Variants in BCAS1 observed in about 807,000 individuals in gnomAD.
The protein encoded by BCAS1 is brain enriched myelin associated protein 1, also known as breast carcinoma-amplified sequence 1.
BCAS1 carries 46 observed loss-of-function variants against 65.4 expected under a neutral mutation model. The observed-to-expected ratio is 0.70, with a 90% CI of 0.55 to 0.90. The LOEUF is 0.90. Ranked by LOEUF, BCAS1 falls within the 40% of genes least tolerant of loss-of-function variation. The pLI, the probability that BCAS1 is intolerant of heterozygous loss-of-function variation, is 0.00. For missense variants in BCAS1, 793 were observed against 771.2 expected (o/e 1.03, Z -0.33); for synonymous variants, 298 against 293.5 (o/e 1.02, Z -0.16).
chr20:53,944,063 C>T lies in BCAS1; in HGVS notation c.*859G>A, dbSNP rs1379314153. ...TAAGCCCTCCCCAGTCAATCTTTTCCCTCTCATCAATAACTTACAAGGACC... is the reference window on the plus strand; with the variant it reads ...TAAGCCCTCCCCAGTCAATCTTTTCTCTCTCATCAATAACTTACAAGGACC... On this transcript the variant is annotated 3_prime_UTR_variant, in exon 13 of 13. Transcript: ENST00000688948. 1.3e-5 allele frequency: 2 copies of T among 151,832 alleles called. No homozygotes were observed. Among genetic ancestry groups the T allele is most frequent in the African/African-American group, 4.8e-5 (2 of 41,298 alleles). The allele number at this position is 151,832 out of a possible 1,614,324, so 9.4% of individuals were successfully genotyped here. A position where few individuals can be genotyped will look rare whatever the true frequency, so the allele number is the denominator to read the frequency against.
intron 11 of BCAS1, among the ~76,000 whole-genome samples, chr20:53,956,712 C>A (rs2089711277): frequency 6.6e-6 from 1 of 151,050 alleles, no homozygotes; most frequent in South Asian, 2.1e-4. Context: ...CAGTTTGAGT[C>A]TACCACTCAT....
chr20:54,008,526 C>T (rs551649788), intron 4 of BCAS1, among the ~76,000 whole-genome samples: 26 of 152,296 alleles, frequency 1.7e-4, no homozygotes, highest in Non-Finnish European at 2.8e-4. Flanking sequence ...ACCCCCGCCC[C>T]CCAACAATGG....
At chr20:53,954,329 GAGA>G (rs2089634268) in intron 11 of BCAS1, among the ~76,000 whole-genome samples, 2 of 148,958 alleles carry the variant, frequency 1.3e-5, no homozygotes, top group African/African-American at 4.9e-5. Flanking sequence ...GAGAGAGAGA[GAGA>G]GAGGGACCAG....
At chr20:54,012,736 C>T (rs911539981) in intron 4 of BCAS1, among the ~76,000 whole-genome samples, 20 of 152,146 alleles carry the variant, frequency 1.3e-4, no homozygotes, top group Non-Finnish European at 2.4e-4. Context: ...AAAAAGATCC[C>T]GTTTAATTCT....
chr20:53,973,766 G>A (rs996703178), intron 9 of BCAS1, among the ~76,000 whole-genome samples: 3 of 152,162 alleles, frequency 2.0e-5, no homozygotes, highest in Non-Finnish European at 4.4e-5. Flanking sequence ...AGAGACCTGA[G>A]CTTTGCTGGG....
intron 3 of BCAS1, among the ~76,000 whole-genome samples, chr20:54,054,759 C>T (rs1293823929): frequency 1.3e-5 from 2 of 152,148 alleles, no homozygotes; most frequent in Non-Finnish European, 2.9e-5. Flanking sequence ...GTTTCTTTTC[C>T]CTCGTCATGT....
At chr20:54,061,228 G>A (rs765555703) in intron 1 of BCAS1, among the ~76,000 whole-genome samples, 5 of 152,136 alleles carry the variant, frequency 3.3e-5, no homozygotes, top group Non-Finnish European at 7.4e-5. Context: ...ACACAGTCTG[G>A]CTGTGCTCCT....
At chr20:54,057,998 A>AT (rs796265852) in intron 3 of BCAS1, 87 bp downstream of exon 3, 158,006 of 804,548 alleles carry the variant, frequency 0.2, 2,564 homozygotes, top group Non-Finnish European at 0.21. Context: ...CGACCCTTTC[A>AT]TTTTTTTTTT....
Position 53,957,416 on chromosome 20 carries a change from G to C in BCAS1, c.1551+16C>G. ...ACCACTAATCCCACCACCAAACTGAGTTCGAGGTCACTTACTTGGCAGCTG... is the reference window on the plus strand; with the variant it reads ...ACCACTAATCCCACCACCAAACTGACTTCGAGGTCACTTACTTGGCAGCTG... On this transcript the variant is annotated intron_variant, in intron 11 of 12. Coordinates refer to ENST00000688948, the MANE Select transcript of BCAS1 (RefSeq NM_001366298.2). 1 of 1,609,142 alleles carries C rather than the reference G, an allele frequency of 6.2e-7. No homozygotes were observed. The highest frequency in any genetic ancestry group is 8.5e-7 in the Non-Finnish European group (1 of 1,175,384).
intron 4 of BCAS1, among the ~76,000 whole-genome samples, chr20:54,011,366 GA>G (rs900472413): frequency 1.2e-4 from 18 of 150,882 alleles, no homozygotes; most frequent in Admixed American, 8.6e-4. Context: ...ACATTTAAAA[GA>G]AAAAAATTCT....
intron 10 of BCAS1, among the ~76,000 whole-genome samples, chr20:53,959,825 C>T (rs1027275418): frequency 1.3e-5 from 2 of 152,240 alleles, no homozygotes; most frequent in African/African-American, 2.4e-5. Context: ...GATCTGTCTA[C>T]ATGGAAAGTG....
At chr20:54,000,619 T>A (rs921299781) in intron 4 of BCAS1, among the ~76,000 whole-genome samples, 4 of 152,350 alleles carry the variant, frequency 2.6e-5, no homozygotes, top group East Asian at 1.9e-4. Context: ...TACTTGAAGT[T>A]ATCCTGTAGC....
intron 8 of BCAS1, among the ~76,000 whole-genome samples, chr20:53,983,808 TCTC>T (rs1478145790): frequency 1.3e-5 from 2 of 152,074 alleles, no homozygotes; most frequent in Admixed American, 6.6e-5. Flanking sequence ...TCCACCCACT[TCTC>T]CTTCCTTCTC....
At chr20:54,063,449 G>A (rs931563324) in intron 1 of BCAS1, among the ~76,000 whole-genome samples, 2 of 152,152 alleles carry the variant, frequency 1.3e-5, no homozygotes, top group Non-Finnish European at 2.9e-5. Flanking sequence ...TTCTCCCACA[G>A]GTGCCCGGTA....
intron 4 of BCAS1, among the ~76,000 whole-genome samples, chr20:54,018,462 G>A (rs968509341): frequency 6.3e-5 from 9 of 142,834 alleles, no homozygotes; most frequent in Admixed American, 1.5e-4. Context: ...TCAGCCTCCC[G>A]AGTGGCTGGG....
chr20:53,962,871 G>T (rs907880292), intron 10 of BCAS1, among the ~76,000 whole-genome samples: 8 of 151,904 alleles, frequency 5.3e-5, no homozygotes, highest in Non-Finnish European at 1.2e-4. Context: ...ATTTATTTAA[G>T]ACGGAGTCTC....
intron 4 of BCAS1, among the ~76,000 whole-genome samples, chr20:54,025,166 C>A (rs2091644871): frequency 6.6e-6 from 1 of 152,172 alleles, no homozygotes; most frequent in Non-Finnish European, 1.5e-5. Flanking sequence ...CCCCACACCC[C>A]CACTCAACAC....
chr20:53,967,981 G>C (rs2090079857), intron 9 of BCAS1, among the ~76,000 whole-genome samples: 1 of 152,166 alleles, frequency 6.6e-6, no homozygotes, highest in Non-Finnish European at 1.5e-5. Flanking sequence ...CTCAGTAACT[G>C]TTTCTGTGTG....
chr20:54,021,329 G>A (rs2091553320), intron 4 of BCAS1, among the ~76,000 whole-genome samples: 2 of 150,810 alleles, frequency 1.3e-5, no homozygotes, highest in Admixed American at 1.3e-4. Flanking sequence ...CACATTTTTC[G>A]GTTTCCCAGT....
Sources: allele counts gnomAD v4.1 joint callset (sites outside exome capture counted in the v4.1 genomes callset), GRCh38; gene constraint gnomAD v4.1.1; transcripts MANE v1.5; gene names NCBI Gene and HGNC (gene_info 2026-07-23, HGNC 2026-07-21).